SLC20A2: variants seen among roughly 807,000 people sequenced by gnomAD.
SLC20A2 encodes solute carrier family 20 member 2, also known as sodium-dependent phosphate transporter 2.
Under a neutral mutation model 61.0 loss-of-function variants are expected in SLC20A2, and 30 were observed. The observed-to-expected ratio is 0.49, with a 90% confidence interval of 0.37 to 0.67. The LOEUF (loss-of-function observed/expected upper bound fraction) is 0.67, where lower values mean the gene tolerates loss of function less well. Among genes scored for constraint, SLC20A2 ranks in the 30% least tolerant of loss-of-function variants. SLC20A2 has a pLI of 0.00. For missense variants in SLC20A2, 626 were observed against 866.4 expected (o/e 0.72, Z 3.48); for synonymous variants, 351 against 353.3 (o/e 0.99, Z 0.07).
chr8:42,494,928 C>T (rs1809803030), intron 1 of SLC20A2, among the ~76,000 whole-genome samples: 1 of 152,088 alleles, frequency 6.6e-6, no homozygotes, highest in East Asian at 1.9e-4. Flanking sequence ...CTCCCTGCAA[C>T]CTCTGCCTCC....
At chr8:42,492,349 C>T (rs1256269849) in intron 1 of SLC20A2, among the ~76,000 whole-genome samples, 1 of 152,124 alleles carries the variant, frequency 6.6e-6, no homozygotes, top group East Asian at 1.9e-4. Context: ...GAACAAGACT[C>T]TGTCTCAAAA....
intron 4 of SLC20A2, among the ~76,000 whole-genome samples, chr8:42,461,090 G>A (rs546656174): frequency 2.6e-5 from 4 of 152,318 alleles, no homozygotes; most frequent in African/African-American, 9.6e-5. Context: ...TTGTCAAGAG[G>A]CTCGAGTTGA....
chr8:42,515,130 C>T (rs1456396713), intron 1 of SLC20A2, among the ~76,000 whole-genome samples: 1 of 152,132 alleles, frequency 6.6e-6, no homozygotes, highest in African/African-American at 2.4e-5. Context: ...AGCTGAAGAA[C>T]CTGAGATTTA....
At position 42,437,087 on chromosome 8, in the gene SLC20A2, C is replaced by T; in HGVS notation, c.1425G>A (p.Lys475=). ...QPREDPAEEE[K]EEKDAPEVHL... ...GAACCTCGGGTGCGTCCTTCTCCTC[C>T]TTCTCCTCCTCTGCAGGGTCCTCTC... Residue 475 remains lysine (K), a synonymous_variant, in exon 8 of 11, where the codon AAG becomes AAA. Coordinates refer to ENST00000520262, the MANE Select transcript of SLC20A2 (RefSeq NM_001257180.2). The surrounding 1 kb of genome is among the most constrained non-coding windows in gnomAD (Gnocchi z 6.4). 1 of 1,614,138 alleles carries T rather than the reference C, an allele frequency of 6.2e-7. No individual in the cohort carries two copies. Among genetic ancestry groups the T allele is most frequent in the Non-Finnish European group, 8.5e-7 (1 of 1,180,056 alleles).
At chr8:42,517,907 C>A (rs1310821175) in intron 1 of SLC20A2, among the ~76,000 whole-genome samples, 18 of 152,150 alleles carry the variant, frequency 1.2e-4, no homozygotes, top group Non-Finnish European at 2.9e-5. Flanking sequence ...TGTACAAAAA[C>A]ATTGTTTGTA....
At chr8:42,418,801 A>G (rs1314549773) in intron 10 of SLC20A2, among the ~76,000 whole-genome samples, 1 of 151,838 alleles carries the variant, frequency 6.6e-6, no homozygotes, top group Non-Finnish European at 1.5e-5. Context: ...GATGGAGACC[A>G]TCCTGGCTAA....
intron 10 of SLC20A2, among the ~76,000 whole-genome samples, chr8:42,424,330 G>C (rs534633166): frequency 2.0e-5 from 3 of 150,486 alleles, no homozygotes; most frequent in East Asian, 2.0e-4. Context: ...TGGGGGGTGC[G>C]GGGGGGGATA....
chr8:42,443,239 T>C (rs1295909232), intron 6 of SLC20A2, among the ~76,000 whole-genome samples: 1 of 138,308 alleles, frequency 7.2e-6, no homozygotes, highest in Non-Finnish European at 1.5e-5. Context: ...ATTACAGTAC[T>C]ATAATAATAC....
chr8:42,514,213 C>T (rs996431616), intron 1 of SLC20A2, among the ~76,000 whole-genome samples: 11 of 152,210 alleles, frequency 7.2e-5, no homozygotes, highest in African/African-American at 2.7e-4. Context: ...TCCCATGTAG[C>T]AATTCTAACC....
chr8:42,515,719 G>C (rs1000817470), intron 1 of SLC20A2, among the ~76,000 whole-genome samples: 2 of 152,120 alleles, frequency 1.3e-5, no homozygotes, highest in South Asian at 2.1e-4. Flanking sequence ...CACCCCAACA[G>C]TTCTAAGACT....
chr8:42,489,733 T>C (rs918596315), intron 1 of SLC20A2, among the ~76,000 whole-genome samples: 1 of 152,206 alleles, frequency 6.6e-6, no homozygotes, highest in Non-Finnish European at 1.5e-5. Flanking sequence ...ACAAGCCACT[T>C]AGTGGCCAGA....
chr8:42,523,422 CA>C (rs1167466542), intron 1 of SLC20A2, among the ~76,000 whole-genome samples: 1 of 152,078 alleles, frequency 6.6e-6, no homozygotes, highest in Non-Finnish European at 1.5e-5. Flanking sequence ...AGCATAAATT[CA>C]ATGCAAGTAA....
chr8:42,439,394 C>A, intron 7 of SLC20A2, 56 bp downstream of exon 7: 1 of 1,570,886 alleles, frequency 6.4e-7, no homozygotes, highest in Non-Finnish European at 8.7e-7. Flanking sequence ...AGCTGGTCCT[C>A]CCCAGGGAAC....
Position 42,472,495 on chromosome 8 carries a change from G to T in SLC20A2, c.-105C>A. The T allele has an allele frequency of 9.4e-7, 1 of 1,059,272 alleles. No individual in the cohort carries two copies. The highest frequency in any genetic ancestry group is 1.4e-6 in the Non-Finnish European group (1 of 738,588). 65.6% of individuals were successfully genotyped at this position (1,059,272 alleles called of 1,614,324 possible). A position where few individuals can be genotyped will look rare whatever the true frequency, so the allele number is the denominator to read the frequency against. On this transcript the variant is annotated 5_prime_UTR_variant, in exon 2 of 11. Coordinates refer to ENST00000520262, the MANE Select transcript of SLC20A2 (RefSeq NM_001257180.2). The surrounding 1 kb of genome is among the most constrained non-coding windows in gnomAD (Gnocchi z 4.1). ...GGCCAAGAGTTCTTGTAAACAGTGA[G>T]TTTGCTCTGGAAAGTGCTGGACAAT...
intron 1 of SLC20A2, among the ~76,000 whole-genome samples, chr8:42,509,028 A>T (rs1810882170): frequency 6.6e-6 from 1 of 152,200 alleles, no homozygotes; most frequent in Non-Finnish European, 1.5e-5. Flanking sequence ...TGGGAATAAT[A>T]ATTATACATG....
chr8:42,462,801 G>A (rs1806819632), intron 4 of SLC20A2, among the ~76,000 whole-genome samples: 1 of 152,158 alleles, frequency 6.6e-6, no homozygotes, highest in South Asian at 2.1e-4. Context: ...ACTATTTGCA[G>A]TGCTTGTTTC....
chr8:42,457,875 T>C (rs1026153815), intron 5 of SLC20A2, among the ~76,000 whole-genome samples: 1 of 152,182 alleles, frequency 6.6e-6, no homozygotes, highest in African/African-American at 2.4e-5. Flanking sequence ...TAGGAATACT[T>C]TATTCCCAGT....
At chr8:42,513,258 G>A (rs534879271) in intron 1 of SLC20A2, among the ~76,000 whole-genome samples, 3 of 152,172 alleles carry the variant, frequency 2.0e-5, no homozygotes, top group East Asian at 3.9e-4. Context: ...TCCATATAAG[G>A]GCATCCTCAT....
intron 2 of SLC20A2, among the ~76,000 whole-genome samples, chr8:42,468,123 C>CA (rs1274782771): frequency 6.6e-6 from 1 of 152,036 alleles, no homozygotes; most frequent in African/African-American, 2.4e-5. Flanking sequence ...AAGATGGTCT[C>CA]AATCTCCTGA....
Sources: allele counts gnomAD v4.1 joint callset (sites outside exome capture counted in the v4.1 genomes callset), GRCh38; gene constraint gnomAD v4.1.1; non-coding constraint Gnocchi (gnomAD v3.1); transcripts MANE v1.5; gene names NCBI Gene and HGNC (gene_info 2026-07-23, HGNC 2026-07-21).